The following NDUFS4 variants were observed in gnomAD, a reference collection of about 807,000 sequenced individuals.
The protein encoded by NDUFS4 is NADH dehydrogenase [ubiquinone] iron-sulfur protein 4, mitochondrial.
In NDUFS4, 28 loss-of-function variants were observed where a neutral mutation model predicts 24.3. The ratio of observed to expected loss-of-function variants is 1.15; its 90% CI spans 0.85 to 1.58. The LOEUF (loss-of-function observed/expected upper bound fraction) is 1.58. Ranked by LOEUF, NDUFS4 falls within the 40% of genes most tolerant of loss-of-function variation. The pLI is 0.00. For missense variants in NDUFS4, 223 were observed against 207.9 expected, an observed-to-expected ratio of 1.07 and a Z score of -0.45; for synonymous variants, 93 against 69.7, an observed-to-expected ratio of 1.34 and a Z score of -1.67.
chr5:53,614,256 G>A (rs1239542610), intron 2 of NDUFS4, among the ~76,000 whole-genome samples: 2 of 151,730 alleles, frequency 1.3e-5, no homozygotes, highest in East Asian at 3.9e-4. Context: ...GAACTTTGTT[G>A]TTTAAAATAT....
intron 3 of NDUFS4, among the ~76,000 whole-genome samples, chr5:53,651,928 C>G (rs184703258): frequency 6.6e-6 from 1 of 151,966 alleles, no homozygotes; most frequent in Admixed American, 6.6e-5. Flanking sequence ...ACCTGCACCA[C>G]GCCCGGCTAA....
chr5:53,618,728 T>C (rs1256837007), intron 2 of NDUFS4, among the ~76,000 whole-genome samples: 1 of 152,188 alleles, frequency 6.6e-6, no homozygotes, highest in African/African-American at 2.4e-5. Flanking sequence ...TTTTTAATGG[T>C]GGAAATTTGT....
At chr5:53,613,091 A>G (rs2112468873) in intron 2 of NDUFS4, among the ~76,000 whole-genome samples, 1 of 152,050 alleles carries the variant, frequency 6.6e-6, no homozygotes, top group South Asian at 2.1e-4. Flanking sequence ...TTGACTGTTT[A>G]CTTTTTTTTT....
chr5:53,619,573 A>T (rs1468542184), intron 2 of NDUFS4, among the ~76,000 whole-genome samples: 2 of 151,940 alleles, frequency 1.3e-5, no homozygotes, highest in Admixed American at 1.3e-4. Flanking sequence ...TTTTTTAAAA[A>T]CATAGTAATA....
intron 1 of NDUFS4, among the ~76,000 whole-genome samples, chr5:53,582,992 C>G (rs1380143556): frequency 6.6e-6 from 1 of 152,146 alleles, no homozygotes; most frequent in East Asian, 1.9e-4. Flanking sequence ...AGCTCTGCCT[C>G]TCAGCCTCCT....
chr5:53,564,232 A>T (rs558753357), intron 1 of NDUFS4, among the ~76,000 whole-genome samples: 55 of 152,218 alleles, frequency 3.6e-4, no homozygotes, highest in Non-Finnish European at 5.6e-4. Context: ...CCCTCCAAAT[A>T]GTAAGCAGTC....
chr5:53,560,667 C>T lies in NDUFS4; in HGVS notation c.5C>T (p.Ala2Val), dbSNP rs148595893. 3.1e-6 allele frequency: 5 copies of T among 1,614,094 alleles called. No individual in the cohort carries two copies. Among genetic ancestry groups the T allele is most frequent in the African/African-American group, 2.7e-5 (2 of 74,944 alleles). ...CTGGCGTTTGCCTGCAGCAAGATGG[C>T]GGCGGTGTCAATGTCAGTGGTACTG... M[A>V]AVSMSVVLRQ... Residue 2 changes from alanine (A) to valine (V), a missense_variant, in exon 1 of 5, where the codon GCG becomes GTG. Ala to Val is a moderately conservative substitution (Grantham distance 64, BLOSUM62 0). Transcript: ENST00000296684.
chr5:53,635,925 CAT>C lies in NDUFS4; in HGVS notation c.178-10305_178-10304del, dbSNP rs570728593. ...CTTAGTAGACTTGATTTGGTTATGT[CAT>C]ATGTCAAATCATATACTACTATTAG... On this transcript the variant is annotated intron_variant, in intron 2 of 4. Transcript: ENST00000296684. Among the ~76,000 whole-genome samples, 7 of 152,206 alleles carry C rather than the reference CAT, an allele frequency of 4.6e-5. No homozygotes were observed. In the South Asian group the frequency reaches 1.5e-3, roughly 32 times the overall value.
intron 3 of NDUFS4, among the ~76,000 whole-genome samples, chr5:53,657,332 G>T (rs990298414): frequency 1.3e-5 from 2 of 152,050 alleles, no homozygotes; most frequent in African/African-American, 2.4e-5. Context: ...GCTTACAAAG[G>T]GTAGGGGTGG....
At chr5:53,564,820 G>A (rs1052212711) in intron 1 of NDUFS4, among the ~76,000 whole-genome samples, 3 of 152,156 alleles carry the variant, frequency 2.0e-5, no homozygotes, top group Non-Finnish European at 4.4e-5. Flanking sequence ...ATGAGCCACC[G>A]TATCCAGCCG....
At chr5:53,658,850 A>AT in intron 4 of NDUFS4, 1 of 471,016 alleles carries the variant, frequency 2.1e-6, no homozygotes, top group Non-Finnish European at 3.8e-6. Flanking sequence ...AGACTGCTCT[A>AT]ATTTGAAGTA....
intron 4 of NDUFS4, among the ~76,000 whole-genome samples, chr5:53,679,734 T>G (rs572466855): frequency 1.3e-5 from 2 of 152,308 alleles, no homozygotes; most frequent in East Asian, 3.9e-4. Flanking sequence ...GAGTGCTTTC[T>G]CATTTCTTCT....
At chr5:53,599,163 G>A (rs1290056135) in intron 1 of NDUFS4, among the ~76,000 whole-genome samples, 2 of 152,094 alleles carry the variant, frequency 1.3e-5, no homozygotes, top group African/African-American at 4.8e-5. Context: ...ACATTGCCCA[G>A]TAAAATATGA....
intron 2 of NDUFS4, among the ~76,000 whole-genome samples, chr5:53,625,906 CT>C (rs996765883): frequency 6.6e-6 from 1 of 151,930 alleles, no homozygotes; most frequent in African/African-American, 2.4e-5. Context: ...TAAAATTATA[CT>C]TTAAGTTCTG....
chr5:53,594,051 A>G (rs1477023227), intron 1 of NDUFS4, among the ~76,000 whole-genome samples: 1 of 152,170 alleles, frequency 6.6e-6, no homozygotes, highest in African/African-American at 2.4e-5. Context: ...GATGCCAGTT[A>G]TATCCAGTTA....
chr5:53,651,050 A>C (rs1752002483), intron 3 of NDUFS4, among the ~76,000 whole-genome samples: 1 of 152,172 alleles, frequency 6.6e-6, no homozygotes, highest in Non-Finnish European at 1.5e-5. Context: ...CCGAAGTAAA[A>C]AGTTTTTTGA....
At chr5:53,583,125 C>T (rs1175515199) in intron 1 of NDUFS4, among the ~76,000 whole-genome samples, 2 of 152,160 alleles carry the variant, frequency 1.3e-5, no homozygotes, top group Admixed American at 6.5e-5. Context: ...GATCCGCCCG[C>T]CTCGGCCTCC....
intron 1 of NDUFS4, among the ~76,000 whole-genome samples, chr5:53,577,733 C>T (rs917392579): frequency 4.1e-4 from 63 of 152,036 alleles, no homozygotes; most frequent in African/African-American, 1.4e-3. Context: ...TGAGGTCTTC[C>T]AACTCACTTA....
At chr5:53,597,214 A>G (rs1750158644) in intron 1 of NDUFS4, among the ~76,000 whole-genome samples, 1 of 152,122 alleles carries the variant, frequency 6.6e-6, no homozygotes, top group Non-Finnish European at 1.5e-5. Context: ...TCTTTTTTAC[A>G]ACTTGGTGGC....
Sources: gnomAD v4.1 joint callset for allele counts (sites outside exome capture counted in the v4.1 genomes callset) on GRCh38, gnomAD v4.1.1 for gene constraint, MANE v1.5 for transcripts, NCBI Gene and HGNC (gene_info 2026-07-23, HGNC 2026-07-21) for gene names.